RAD51B: variants seen among roughly 807,000 people sequenced by gnomAD.
RAD51B encodes the protein RAD51 paralog B, also known as DNA repair protein RAD51 homolog 2.
In RAD51B, 38 loss-of-function variants were observed where a neutral mutation model predicts 42.2. The observed-to-expected ratio is 0.90, with a 90% confidence interval of 0.70 to 1.18. The LOEUF is 1.18. Ranked by LOEUF, RAD51B falls within the 50% of genes most tolerant of loss-of-function variation. RAD51B has a pLI of 0.00. For synonymous variants in RAD51B, 154 were observed against 145.2 expected (o/e 1.06, Z -0.43); for missense variants, 373 against 400.7 (o/e 0.93, Z 0.59).
intron 7 of RAD51B, among the ~76,000 whole-genome samples, chr14:68,210,635 A>T (rs994954300): frequency 2.0e-5 from 3 of 152,104 alleles, no homozygotes; most frequent in Admixed American, 2.0e-4. Flanking sequence ...AAAAACACTG[A>T]ACTTAAAATA....
chr14:68,664,755 C>G (rs1283504959), intron 11 of RAD51B, among the ~76,000 whole-genome samples: 9 of 152,212 alleles, frequency 5.9e-5, no homozygotes, highest in Admixed American at 4.6e-4. Flanking sequence ...CTTTACCACT[C>G]AACTATCAAT....
chr14:68,346,266 C>T (rs553157834), intron 8 of RAD51B, among the ~76,000 whole-genome samples: 46 of 152,272 alleles, frequency 3.0e-4, no homozygotes, highest in African/African-American at 9.6e-4. Flanking sequence ...CTGCCTGAAG[C>T]GCAACTTCAT....
intron 7 of RAD51B, among the ~76,000 whole-genome samples, chr14:68,100,731 T>G (rs754595958): frequency 6.6e-6 from 1 of 152,246 alleles, no homozygotes; most frequent in Non-Finnish European, 1.5e-5. Context: ...TCTAGATATA[T>G]GGAGCCTTAG....
intron 5 of RAD51B, among the ~76,000 whole-genome samples, chr14:67,874,309 T>G (rs2042651809): frequency 6.6e-6 from 1 of 151,948 alleles, no homozygotes; most frequent in Admixed American, 6.6e-5. Context: ...TATTTAACAA[T>G]TTTAACAGGT....
intron 7 of RAD51B, among the ~76,000 whole-genome samples, chr14:68,028,592 C>G (rs1378710598): frequency 1.3e-5 from 2 of 152,190 alleles, no homozygotes; most frequent in African/African-American, 4.8e-5. Context: ...CTGCTGGACC[C>G]TCAGAGTTGG....
At chr14:67,946,467 C>G (rs771199738) in intron 7 of RAD51B, among the ~76,000 whole-genome samples, 11 of 152,118 alleles carry the variant, frequency 7.2e-5, no homozygotes, top group Non-Finnish European at 1.5e-4. Context: ...CTCCCCAGTT[C>G]AAGCAGTTCT....
chr14:68,665,519 T>G (rs1220965716), intron 11 of RAD51B, among the ~76,000 whole-genome samples: 1 of 152,194 alleles, frequency 6.6e-6, no homozygotes, highest in African/African-American at 2.4e-5. Context: ...GTGTCTATAA[T>G]CAGGCTCTGG....
chr14:67,977,449 C>T (rs1307541702), intron 7 of RAD51B, among the ~76,000 whole-genome samples: 1 of 152,232 alleles, frequency 6.6e-6, no homozygotes, highest in East Asian at 1.9e-4. Context: ...TCAGAATTGG[C>T]TTTTAGCCTT....
intron 8 of RAD51B, among the ~76,000 whole-genome samples, chr14:68,310,889 TG>T (rs1362018867): frequency 6.6e-6 from 1 of 152,098 alleles, no homozygotes; most frequent in Admixed American, 6.5e-5. Flanking sequence ...AGATTACCTT[TG>T]AACCTGTTTA....
rs1032371724 is a variant in RAD51B, at chr14:68,659,511, T to C, written c.*11+8655T>C. Among the ~76,000 whole-genome samples the C allele has an allele frequency of 5.3e-5, 8 of 152,108 alleles. No individual in the cohort carries two copies. The East Asian group carries it at 1.5e-3, about 29-fold the overall frequency. ...GGGTAGGAGGGAAAGGAGGAGTGAA[T>C]TGACAGCTTTGAAATCTGGGCCTGC... is the stretch of plus-strand genomic sequence containing the variant. On this transcript the variant is annotated intron_variant, in intron 11 of 11. Transcript: ENST00000488612.
intron 10 of RAD51B, among the ~76,000 whole-genome samples, chr14:68,560,510 C>T (rs535808716): frequency 1.3e-5 from 2 of 152,084 alleles, no homozygotes; most frequent in East Asian, 1.9e-4. Flanking sequence ...CTGAGGTGGG[C>T]GGATCACCTG....
intron 8 of RAD51B, among the ~76,000 whole-genome samples, chr14:68,354,179 T>TA (rs1250289664): frequency 6.6e-6 from 1 of 151,858 alleles, no homozygotes; most frequent in Non-Finnish European, 1.5e-5. Context: ...AGAACTTTTG[T>TA]GTCTTCCAAT....
At chr14:68,563,722 A>T (rs1305660184) in intron 10 of RAD51B, 32 of 985,404 alleles carry the variant, frequency 3.2e-5, no homozygotes, top group Non-Finnish European at 3.7e-5. Flanking sequence ...TCTAAATGGG[A>T]ACGAAAGAGG....
At chr14:68,533,221 A>G (rs562929208) in intron 10 of RAD51B, among the ~76,000 whole-genome samples, 1 of 152,366 alleles carries the variant, frequency 6.6e-6, no homozygotes, top group African/African-American at 2.4e-5. Flanking sequence ...TTTGCTGAAT[A>G]CAACATCCAT....
intron 7 of RAD51B, among the ~76,000 whole-genome samples, chr14:68,093,699 C>T (rs1254060439): frequency 3.9e-5 from 6 of 152,048 alleles, no homozygotes; most frequent in Admixed American, 3.9e-4. Context: ...TCTCTATTTC[C>T]TTCAGTTCTG....
At chr14:68,136,341 C>CG (rs1296035487) in intron 7 of RAD51B, among the ~76,000 whole-genome samples, 5 of 70,726 alleles carry the variant, frequency 7.1e-5, no homozygotes, top group Non-Finnish European at 2.2e-4. Context: ...TTTGGGAGGC[C>CG]AAGGCGGGCG....
At chr14:68,100,697 T>C (rs1191499548) in intron 7 of RAD51B, among the ~76,000 whole-genome samples, 1 of 152,182 alleles carries the variant, frequency 6.6e-6, no homozygotes, top group Non-Finnish European at 1.5e-5. Flanking sequence ...GAATATTGAA[T>C]TGGCTAAAAA....
intron 10 of RAD51B, among the ~76,000 whole-genome samples, chr14:68,494,427 C>T (rs770769695): frequency 1.3e-5 from 2 of 152,104 alleles, no homozygotes; most frequent in Non-Finnish European, 2.9e-5. Context: ...GAGCATTCCC[C>T]GAGGCACTCT....
chr14:68,201,782 C>A (rs1274639), intron 7 of RAD51B, among the ~76,000 whole-genome samples: 26,030 of 152,052 alleles, frequency 0.17, 2,372 homozygotes, highest in Middle Eastern at 0.36. Context: ...ATAAGGCTTA[C>A]AAGAATATGT....
Sources: gnomAD v4.1 joint callset for allele counts (sites outside exome capture counted in the v4.1 genomes callset) on GRCh38, gnomAD v4.1.1 for gene constraint, MANE v1.5 for transcripts, NCBI Gene and HGNC (gene_info 2026-07-23, HGNC 2026-07-21) for gene names.